Variants in GPSM1 observed in about 807,000 individuals in gnomAD.
GPSM1 encodes the protein G protein-signaling modulator 1.
GPSM1 carries 48 observed loss-of-function variants against 70.5 expected under a neutral mutation model. The ratio of observed to expected loss-of-function variants is 0.68; its 90% CI spans 0.54 to 0.87. The LOEUF is 0.87. GPSM1 is among the 40% of genes least tolerant of loss of function. GPSM1 has a pLI of 0.00. For missense variants in GPSM1, 981 were observed against 972.6 expected (o/e 1.01, Z -0.11); for synonymous variants, 416 against 430.1 (o/e 0.97, Z 0.41).
At position 136,340,852 on chromosome 9, in the gene GPSM1, C is replaced by T; in HGVS notation, c.1084-18C>T. ...CCCCCAGCCACACCTGCCCGCTCCG[C>T]CACCCCACTCGCCGCAGATCGGGGA... On this transcript the variant is annotated intron_variant, in intron 8 of 13. Transcript: ENST00000440944. The surrounding 1 kb of genome is among the most constrained non-coding windows in gnomAD (Gnocchi z 7.3). 6.4e-7 allele frequency: 1 copy of T among 1,555,682 alleles called. No homozygotes were observed.
chr9:136,331,364 G>GCC (rs33950584), intron 1 of GPSM1, among the ~76,000 whole-genome samples: 10,543 of 125,720 alleles, frequency 0.084, 673 homozygotes, highest in Non-Finnish European at 0.097. Context: ...AGGACTCTGA[G>GCC]CCCCCCCCCC....
At position 136,341,089 on chromosome 9, in the gene GPSM1, G is replaced by A. The variant is rs569974525; in HGVS notation, c.1207+96G>A. On this transcript the variant is annotated intron_variant, in intron 9 of 13. Coordinates refer to ENST00000440944, the MANE Select transcript of GPSM1 (RefSeq NM_001145638.3). This position sits in a 1 kb window ranked among gnomAD's most constrained non-coding sequence, Gnocchi z 6.7. Reference sequence around the variant, plus strand: ...GGGATCGAGGCCAGGCCAGCATGGCGGAGGTGGCAGCCGCCAGAAAATGGC... The same window carrying A: ...GGGATCGAGGCCAGGCCAGCATGGCAGAGGTGGCAGCCGCCAGAAAATGGC... 216 of 1,550,202 alleles carry A rather than the reference G, an allele frequency of 1.4e-4. 2 individuals carry two copies. In the South Asian group the frequency reaches 2.1e-3, roughly 15 times the overall value.
chr9:136,355,629 C>T (rs945123690), intron 11 of GPSM1, 61 bp from the exon 12 acceptor site: 31 of 1,518,714 alleles, frequency 2.0e-5, no homozygotes, highest in Admixed American at 1.2e-4. Flanking sequence ...AAGCAGCCCC[C>T]GGTCTCGTCT....
Position 136,328,887 on chromosome 9 carries a change from TC to T in GPSM1, c.68+1125del, listed in dbSNP as rs1347457986. Among the ~76,000 whole-genome samples the T allele has an allele frequency of 7.9e-5, 12 of 152,188 alleles. No homozygotes were observed. The East Asian group carries it at 2.3e-3, about 29-fold the overall frequency. On this transcript the variant is annotated intron_variant, in intron 1 of 13. Transcript: ENST00000440944. ...TCAAGGGTTTCCTCCGCTGATCTGATCGGCTGTGCAGGGCCGCATGTGCTCC... is the reference window on the plus strand; with the variant it reads ...TCAAGGGTTTCCTCCGCTGATCTGATGGCTGTGCAGGGCCGCATGTGCTCC...
At chr9:136,330,788 G>T (rs1229595481) in intron 1 of GPSM1, among the ~76,000 whole-genome samples, 1 of 152,198 alleles carries the variant, frequency 6.6e-6, no homozygotes, top group Admixed American at 6.5e-5. Flanking sequence ...TGCAGTGCTG[G>T]CTTGGGAACT....
intron 9 of GPSM1, among the ~76,000 whole-genome samples, chr9:136,345,388 A>G (rs1158804340): frequency 2.0e-5 from 3 of 152,160 alleles, no homozygotes; most frequent in Non-Finnish European, 2.9e-5. Flanking sequence ...AGGGCGCTGG[A>G]CTCACACTCA....
In GPSM1 at chr9:136,339,700, C is replaced by T; in HGVS notation, c.975-7C>T. ...GCGGGTATGAATCTGGTCTCCCTCT[C>T]TGGCAGAGTGGGCGAGGGCCGGGCG... On this transcript the variant is annotated splice_region_variant and splice_polypyrimidine_tract_variant and intron_variant, in intron 7 of 13. Coordinates refer to ENST00000440944, the MANE Select transcript of GPSM1 (RefSeq NM_001145638.3). 1 of 1,544,240 alleles carries T rather than the reference C, an allele frequency of 6.5e-7. No individual in the cohort carries two copies. Among genetic ancestry groups the T allele is most frequent in the East Asian group, 2.4e-5 (1 of 40,938 alleles).
intron 11 of GPSM1, chr9:136,353,232 G>A (rs1053278738): frequency 7.2e-6 from 3 of 415,918 alleles, no homozygotes; most frequent in Non-Finnish European, 9.7e-6. Context: ...CGGGTGGGGT[G>A]GTCTTGGGCC....
intron 2 of GPSM1, among the ~76,000 whole-genome samples, chr9:136,335,046 G>A (rs1289596642): frequency 6.6e-6 from 1 of 152,196 alleles, no homozygotes; most frequent in Non-Finnish European, 1.5e-5. Context: ...TCAGCTGACA[G>A]GCGTGAGTGG....
chr9:136,349,987 G>C (rs190615714), intron 11 of GPSM1, among the ~76,000 whole-genome samples: 1 of 152,222 alleles, frequency 6.6e-6, no homozygotes, highest in Non-Finnish European at 1.5e-5. Flanking sequence ...CAGAGGCCCC[G>C]GCCACCGAGG....
In GPSM1 at chr9:136,341,633, G is replaced by A. The variant is rs1384004282; in HGVS notation, c.1207+640G>A. ...TGGGTGAGGGGCAGGCTTGGGGGGA[G>A]CAGCTGCCCCACCCATGTGTCCCCC... On this transcript the variant is annotated intron_variant, in intron 9 of 13. Coordinates refer to ENST00000440944, the MANE Select transcript of GPSM1 (RefSeq NM_001145638.3). This position sits in a 1 kb window ranked among gnomAD's most constrained non-coding sequence, Gnocchi z 6.7. 2.0e-5 allele frequency: 20 copies of A among 1,005,952 alleles called. No homozygotes were observed. The highest frequency in any genetic ancestry group is 2.3e-5 in the Non-Finnish European group (19 of 841,722). 62.3% of individuals were successfully genotyped at this position (1,005,952 alleles called of 1,614,324 possible).
rs1171161659 is a variant in GPSM1, at chr9:136,340,633, G to A, written c.1084-237G>A. Among the ~76,000 whole-genome samples the A allele has an allele frequency of 2.0e-5, 3 of 152,056 alleles. No homozygotes were observed. The highest frequency in any genetic ancestry group is 4.4e-5 in the Non-Finnish European group (3 of 67,992). On this transcript the variant is annotated intron_variant, in intron 8 of 13. Coordinates refer to ENST00000440944, the MANE Select transcript of GPSM1 (RefSeq NM_001145638.3). This position sits in a 1 kb window ranked among gnomAD's most constrained non-coding sequence, Gnocchi z 7.3. ...CCGCCTGGGACCCCAAGCATCTCTGGGGTGAACTAGGGGCTGTTGAGGACC... is the reference window on the plus strand; with the variant it reads ...CCGCCTGGGACCCCAAGCATCTCTGAGGTGAACTAGGGGCTGTTGAGGACC...
At position 136,358,582 on chromosome 9, in the gene GPSM1, C is replaced by G. The variant is rs1238717199; in HGVS notation, c.*362C>G. On this transcript the variant is annotated 3_prime_UTR_variant, in exon 14 of 14. Transcript: ENST00000440944. Reference sequence around the variant, plus strand: ...AAACCCTGCTGTCTCCCCCACCCTCCCCAAAGGTGTCTCTGAGCCGCCTCT... The same window carrying G: ...AAACCCTGCTGTCTCCCCCACCCTCGCCAAAGGTGTCTCTGAGCCGCCTCT... 2.5e-6 allele frequency: 1 copy of G among 393,522 alleles called. No homozygotes were observed. Among genetic ancestry groups the G allele is most frequent in the East Asian group, 5.7e-5 (1 of 17,430 alleles). 24.4% of individuals were successfully genotyped at this position (393,522 alleles called of 1,614,324 possible). A position where few individuals can be genotyped will look rare whatever the true frequency, so the allele number is the denominator to read the frequency against.
intron 11 of GPSM1, among the ~76,000 whole-genome samples, chr9:136,352,747 T>C (rs1160381037): frequency 1.3e-5 from 2 of 152,240 alleles, no homozygotes; most frequent in Non-Finnish European, 2.9e-5. Flanking sequence ...GGCCCAGCTC[T>C]GGAGGGAGGC....
chr9:136,335,180 GGCCCCAGGCCCTGA>G (rs1554769043), intron 2 of GPSM1, among the ~76,000 whole-genome samples: 1 of 152,086 alleles, frequency 6.6e-6, no homozygotes, highest in East Asian at 1.9e-4. Context: ...CCTGGCCCCA[GGCCCCAGGCCCTGA>G]GCCCCGGGCC....
intron 5 of GPSM1, 116 bp downstream of exon 5, chr9:136,337,680 C>T: frequency 9.4e-7 from 1 of 1,060,340 alleles, no homozygotes; most frequent in Non-Finnish European, 1.4e-6. Flanking sequence ...GCAGGCCCGC[C>T]CCACCGAGTC....
Position 136,341,735 on chromosome 9 carries a change from C to G in GPSM1, c.1207+742C>G, listed in dbSNP as rs1316103344. 1.0e-6 allele frequency: 1 copy of G among 987,480 alleles called. No homozygotes were observed. The highest frequency in any genetic ancestry group is 5.7e-5 in the Admixed American group (1 of 17,410). 61.2% of individuals were successfully genotyped at this position (987,480 alleles called of 1,614,324 possible). On this transcript the variant is annotated intron_variant, in intron 9 of 13. Transcript: ENST00000440944. The surrounding 1 kb of genome is among the most constrained non-coding windows in gnomAD (Gnocchi z 6.7). ...CAGAACGTACCTGGTGCCCCCCAGG[C>G]CTGCTAAGGACCAGGCTGGGAACAC...
chr9:136,331,763 G>T (rs1832105963), intron 1 of GPSM1, among the ~76,000 whole-genome samples: 3 of 152,298 alleles, frequency 2.0e-5, no homozygotes, highest in African/African-American at 7.2e-5. Flanking sequence ...TTACCCCAGG[G>T]CTCCCCGCCC....
chr9:136,329,781 G>A (rs1737641359), intron 1 of GPSM1, among the ~76,000 whole-genome samples: 2 of 152,100 alleles, frequency 1.3e-5, no homozygotes, highest in African/African-American at 2.4e-5. Context: ...ACCCTGAGGG[G>A]CCCTGGGTGC....
Sources: allele counts gnomAD v4.1 joint callset (sites outside exome capture counted in the v4.1 genomes callset), GRCh38; gene constraint gnomAD v4.1.1; non-coding constraint Gnocchi (gnomAD v3.1); transcripts MANE v1.5; gene names NCBI Gene and HGNC (gene_info 2026-07-23, HGNC 2026-07-21).